FAM222A: variants seen among roughly 807,000 people sequenced by gnomAD.
The protein encoded by FAM222A is family with sequence similarity 222 member A.
A neutral mutation model predicts 25.8 loss-of-function variants in FAM222A; 7 were observed. That is an observed-to-expected ratio of 0.27 (90% CI 0.15 to 0.51). The LOEUF is 0.51. Ranked by LOEUF, FAM222A falls within the 20% of genes least tolerant of loss-of-function variation. FAM222A has a pLI of 0.97. For synonymous variants in FAM222A, 294 were observed against 298.8 expected, an observed-to-expected ratio of 0.98 and a Z score of 0.17; for missense variants, 573 against 640.5, an observed-to-expected ratio of 0.89 and a Z score of 1.14.
chr12:109,721,249 G>A (rs1887739478), intron 1 of FAM222A, among the ~76,000 whole-genome samples: 1 of 152,228 alleles, frequency 6.6e-6, no homozygotes, highest in South Asian at 2.1e-4. Context: ...TTCACTGCCT[G>A]TAAGGGTACT....
chr12:109,749,638 A>G (rs1350535751), intron 2 of FAM222A, among the ~76,000 whole-genome samples: 3 of 152,168 alleles, frequency 2.0e-5, no homozygotes, highest in Non-Finnish European at 2.9e-5. Flanking sequence ...TAGGTTTTCT[A>G]TATCCTTACT....
rs369923455 is a variant in FAM222A, at chr12:109,768,783, A to G, written c.854A>G (p.Tyr285Cys). ...GGGTACGCAGACAGCGGCCTGGATTACCTGCTGTGGCCGCAGAAACCGCCC... is the reference window on the plus strand; with the variant it reads ...GGGTACGCAGACAGCGGCCTGGATTGCCTGCTGTGGCCGCAGAAACCGCCC... ...PAGYADSGLD[Y>C]LLWPQKPPPP... The change falls in exon 3 of 3, where the codon TAC becomes TGC. Residue 285 changes from tyrosine to cysteine, a missense_variant. By Grantham distance (194) the Tyr-to-Cys change is radical. Coordinates refer to ENST00000538780, the MANE Select transcript of FAM222A (RefSeq NM_032829.3). The G allele has an allele frequency of 2.5e-5, 40 of 1,578,538 alleles. No individual in the cohort carries two copies. The highest frequency in any genetic ancestry group is 3.3e-5 in the Non-Finnish European group (38 of 1,168,068).
intron 1 of FAM222A, among the ~76,000 whole-genome samples, chr12:109,727,251 C>T (rs1038691858): frequency 6.6e-6 from 1 of 152,028 alleles, no homozygotes; most frequent in Non-Finnish European, 1.5e-5. Context: ...GGGGAGAGGG[C>T]GGTGCAGCCT....
At chr12:109,759,886 G>GA (rs770466842) in intron 2 of FAM222A, among the ~76,000 whole-genome samples, 1 of 152,184 alleles carries the variant, frequency 6.6e-6, no homozygotes, top group Non-Finnish European at 1.5e-5. Context: ...AGGGTGGTGA[G>GA]AAAAAACAGG....
At chr12:109,718,065 G>A (rs1448754165) in intron 1 of FAM222A, among the ~76,000 whole-genome samples, 1 of 152,204 alleles carries the variant, frequency 6.6e-6, no homozygotes, top group African/African-American at 2.4e-5. Context: ...TCTGTGAGAA[G>A]GACCATAGCA....
rs530830215 is a variant in FAM222A at position 109,717,236 on chromosome 12, C to T, written c.-47+2339C>T. Among the ~76,000 whole-genome samples the T allele has an allele frequency of 1.9e-4, 29 of 152,324 alleles. 1 individual carries two copies. The South Asian group carries it at 5.6e-3, about 29-fold the overall frequency. On this transcript the variant is annotated intron_variant, in intron 1 of 2. Coordinates refer to ENST00000538780, the MANE Select transcript of FAM222A (RefSeq NM_032829.3). ...GTTGAGTAGATTAACAACTTCCGCC[C>T]GGCCTTGTGGTCTGTCTGGTCCCCT...
chr12:109,730,776 G>C (rs918346202), intron 1 of FAM222A, among the ~76,000 whole-genome samples: 1 of 152,134 alleles, frequency 6.6e-6, no homozygotes, highest in Non-Finnish European at 1.5e-5. Flanking sequence ...AGGCACACTT[G>C]GGGCCTTGTC....
rs193020897 is a variant in FAM222A, at chr12:109,769,300, C to T, written c.*12C>T. On this transcript the variant is annotated 3_prime_UTR_variant, in exon 3 of 3. Coordinates refer to ENST00000538780, the MANE Select transcript of FAM222A (RefSeq NM_032829.3). ...CCGTCTACAGATAAGGCCTGCCCTG[C>T]GGACATACGGACATGCGGACAGGGC... The T allele has an allele frequency of 1.1e-5, 18 of 1,593,376 alleles. No homozygotes were observed. Among genetic ancestry groups the T allele is most frequent in the African/African-American group, 4.0e-5 (3 of 74,412 alleles).
intron 2 of FAM222A, among the ~76,000 whole-genome samples, chr12:109,761,405 C>T (rs190038002): frequency 6.6e-6 from 1 of 152,294 alleles, no homozygotes; most frequent in African/African-American, 2.4e-5. Flanking sequence ...GTGCGCCCCT[C>T]CCCCCATCCT....
At chr12:109,762,919 C>A (rs905959571) in intron 2 of FAM222A, among the ~76,000 whole-genome samples, 1 of 152,254 alleles carries the variant, frequency 6.6e-6, no homozygotes, top group African/African-American at 2.4e-5. Flanking sequence ...AAGGCACTCA[C>A]ATTCAAAGCA....
intron 1 of FAM222A, among the ~76,000 whole-genome samples, chr12:109,731,762 T>TG (rs945509267): frequency 6.6e-6 from 1 of 152,226 alleles, no homozygotes; most frequent in Non-Finnish European, 1.5e-5. Flanking sequence ...CCGTGTGTTC[T>TG]GGGTGTGTGG....
chr12:109,766,424 T>C (rs1889052292), intron 2 of FAM222A, among the ~76,000 whole-genome samples: 1 of 152,224 alleles, frequency 6.6e-6, no homozygotes, highest in South Asian at 2.1e-4. Context: ...TTCAGCCCCA[T>C]GCAGGCGGCT....
intron 2 of FAM222A, among the ~76,000 whole-genome samples, chr12:109,756,233 GAATA>G (rs1327790860): frequency 4.6e-5 from 7 of 152,210 alleles, no homozygotes; most frequent in South Asian, 2.1e-4. Flanking sequence ...GACTCATTGT[GAATA>G]AATAGAGTTG....
intron 1 of FAM222A, among the ~76,000 whole-genome samples, chr12:109,735,155 G>C (rs1202631909): frequency 2.6e-5 from 4 of 152,116 alleles, no homozygotes; most frequent in Admixed American, 2.6e-4. Flanking sequence ...CCCCGACCTG[G>C]GCCACTGCGT....
intron 2 of FAM222A, chr12:109,744,602 C>T (rs557328421): frequency 8.1e-6 from 8 of 985,402 alleles, no homozygotes; most frequent in Non-Finnish European, 9.6e-6. Context: ...AGAATGGGGT[C>T]CCCGCTTGAG....
At chr12:109,750,047 T>TATTGATATGACACA (rs1422565517) in intron 2 of FAM222A, among the ~76,000 whole-genome samples, 3 of 152,202 alleles carry the variant, frequency 2.0e-5, no homozygotes, top group Admixed American at 6.5e-5. Context: ...CATTTACATT[T>TATTGATATGACACA]ATTGATATGA....
intron 1 of FAM222A, among the ~76,000 whole-genome samples, chr12:109,740,774 G>A (rs557621743): frequency 4.6e-5 from 7 of 152,260 alleles, no homozygotes; most frequent in African/African-American, 1.2e-4. Flanking sequence ...AATAAGACAC[G>A]GTCCCTACCC....
chr12:109,745,804 C>T (rs1592789743), intron 2 of FAM222A, among the ~76,000 whole-genome samples: 1 of 152,290 alleles, frequency 6.6e-6, no homozygotes, highest in East Asian at 1.9e-4. Context: ...CTGCACCTGG[C>T]TACAGTGTAG....
At position 109,769,186 on chromosome 12, in the gene FAM222A, C is replaced by T. The variant is rs1889167686; in HGVS notation, c.1257C>T (p.Pro419=). 3 of 1,612,520 alleles carry T rather than the reference C, an allele frequency of 1.9e-6. No homozygotes were observed. Among genetic ancestry groups the T allele is most frequent in the Non-Finnish European group, 8.5e-7 (1 of 1,179,840 alleles). ...ATCTCATCAACGACATCCGGCCGCC[C>T]TGCATCAAGGAGCAGATGCTGGGCA... is the stretch of plus-strand genomic sequence containing the variant. The part of the protein sequence containing the change: ...LEYLINDIRP[P]CIKEQMLGKG... The change falls in exon 3 of 3, where the codon CCC becomes CCT. Residue 419 remains proline, a synonymous_variant. Coordinates refer to ENST00000538780, the MANE Select transcript of FAM222A (RefSeq NM_032829.3).
Sources: allele counts gnomAD v4.1 joint callset (sites outside exome capture counted in the v4.1 genomes callset), GRCh38; gene constraint gnomAD v4.1.1; transcripts MANE v1.5; gene names NCBI Gene and HGNC (gene_info 2026-07-23, HGNC 2026-07-21).